The following RPS6KA2 variants were observed in gnomAD, a reference collection of about 807,000 sequenced individuals.
The protein encoded by RPS6KA2 is ribosomal protein S6 kinase A2.
A neutral mutation model predicts 91.8 loss-of-function variants in RPS6KA2; 42 were observed. The ratio of observed to expected loss-of-function variants is 0.46; its 90% CI spans 0.36 to 0.59. RPS6KA2 has a LOEUF of 0.59. Among genes scored for constraint, RPS6KA2 ranks in the 20% least tolerant of loss-of-function variants. RPS6KA2 has a pLI of 0.00. For synonymous variants in RPS6KA2, 414 were observed against 393.6 expected, an observed-to-expected ratio of 1.05 and a Z score of -0.61; for missense variants, 798 against 978.5, an observed-to-expected ratio of 0.82 and a Z score of 2.46.
At chr6:166,547,436 G>A (rs1389949133) in intron 1 of RPS6KA2, among the ~76,000 whole-genome samples, 1 of 152,278 alleles carries the variant, frequency 6.6e-6, no homozygotes, top group Non-Finnish European at 1.5e-5. Flanking sequence ...TGAGTTGGCA[G>A]CTGAGTGCCC....
At chr6:166,628,637 C>T (rs1300010775), upstream of RPS6KA2, among the ~76,000 whole-genome samples, 1 of 152,344 alleles carries the variant, frequency 6.6e-6, no homozygotes, top group East Asian at 1.9e-4. Flanking sequence ...CGGTGCTGCT[C>T]CGGAGTGGAA....
At chr6:166,642,673 G>A (rs893471137) in intron 2 of RPS6KA2, among the ~76,000 whole-genome samples, 1 of 152,094 alleles carries the variant, frequency 6.6e-6, no homozygotes, top group Non-Finnish European at 1.5e-5. Context: ...CAAACTAATA[G>A]AGGTCAAAGT....
At chr6:166,529,264 G>C (rs11962002) in intron 3 of RPS6KA2, among the ~76,000 whole-genome samples, 28,883 of 152,152 alleles carry the variant, frequency 0.19, 2,955 homozygotes, top group African/African-American at 0.26. Context: ...AGTTCATATG[G>C]TTTGTAGGGA....
In RPS6KA2 at chr6:166,821,646, C is replaced by T. The variant is rs1209513976; in HGVS notation, c.123+36554G>A. ...CTTATTCCCTTTCACTATTGCTGTG[C>T]CCCAGATTTCCACTCGGAGCCCTCA... On this transcript the variant is annotated intron_variant, in intron 2 of 21. Coordinates refer to the RPS6KA2 transcript ENST00000503859. This position sits in a 1 kb window ranked among gnomAD's most constrained non-coding sequence, Gnocchi z 4.1. 6.6e-6 allele frequency among the ~76,000 whole-genome samples: 1 copy of T among 152,058 alleles called. No individual in the cohort carries two copies. Among genetic ancestry groups the T allele is most frequent in the Non-Finnish European group, 1.5e-5 (1 of 67,998 alleles).
intron 14 of RPS6KA2, among the ~76,000 whole-genome samples, chr6:166,432,813 G>A (rs918373490): frequency 6.6e-6 from 1 of 152,094 alleles, no homozygotes; most frequent in Admixed American, 6.5e-5. Context: ...TGGCTAACAT[G>A]ACAAAACCTG....
At chr6:166,686,820 T>A (rs1032917593) in intron 2 of RPS6KA2, among the ~76,000 whole-genome samples, 1 of 152,202 alleles carries the variant, frequency 6.6e-6, no homozygotes, top group African/African-American at 2.4e-5. Context: ...TGGTAGGAGC[T>A]CTGTGCATAC....
chr6:166,839,516 G>T (rs1780403661), intron 2 of RPS6KA2, among the ~76,000 whole-genome samples: 1 of 151,018 alleles, frequency 6.6e-6, no homozygotes, highest in Non-Finnish European at 1.5e-5. Context: ...TATCTGAGGG[G>T]TTAGTTACTG....
At chr6:166,791,161 G>A (rs1314705512) in intron 2 of RPS6KA2, among the ~76,000 whole-genome samples, 1 of 152,128 alleles carries the variant, frequency 6.6e-6, no homozygotes, top group Non-Finnish European at 1.5e-5. Flanking sequence ...ATAAAGGGAT[G>A]GAGGAAGATC....
At chr6:166,776,397 T>A (rs943497461) in intron 2 of RPS6KA2, among the ~76,000 whole-genome samples, 7 of 152,256 alleles carry the variant, frequency 4.6e-5, no homozygotes, top group Non-Finnish European at 1.0e-4. Flanking sequence ...TCTTCCAGGT[T>A]AGATTTCTTG....
intron 1 of RPS6KA2, among the ~76,000 whole-genome samples, chr6:166,567,026 G>T (rs758882759): frequency 6.6e-6 from 1 of 152,174 alleles, no homozygotes; most frequent in Non-Finnish European, 1.5e-5. Context: ...TTGCAAATAC[G>T]CTGAAAACAG....
At chr6:166,723,942 C>T (rs988968940) in intron 2 of RPS6KA2, among the ~76,000 whole-genome samples, 1 of 152,136 alleles carries the variant, frequency 6.6e-6, no homozygotes, top group Non-Finnish European at 1.5e-5. Flanking sequence ...TCAGGTGATC[C>T]ACTCTTCTCA....
chr6:166,571,077 T>C (rs1784671362), intron 1 of RPS6KA2, among the ~76,000 whole-genome samples: 1 of 152,164 alleles, frequency 6.6e-6, no homozygotes, highest in African/African-American at 2.4e-5. Context: ...ATCTGCACTG[T>C]CACAACAGTG....
intron 2 of RPS6KA2, among the ~76,000 whole-genome samples, chr6:166,658,492 C>T (rs1450358668): frequency 1.3e-5 from 2 of 152,178 alleles, no homozygotes; most frequent in Non-Finnish European, 2.9e-5. Context: ...ACAAATGACA[C>T]AAGGCAGGGG....
At chr6:166,707,017 A>C (rs954866048) in intron 2 of RPS6KA2, among the ~76,000 whole-genome samples, 1 of 152,234 alleles carries the variant, frequency 6.6e-6, no homozygotes, top group Non-Finnish European at 1.5e-5. Context: ...AGTGAATATT[A>C]CTCAAAATAG....
At chr6:166,582,145 C>T (rs55730232) in intron 1 of RPS6KA2, among the ~76,000 whole-genome samples, 2,120 of 102,776 alleles carry the variant, frequency 0.021, 46 homozygotes, top group African/African-American at 0.082. Context: ...GGGTGGGACG[C>T]CCACTGGGCA....
chr6:166,506,370 G>A (rs573356893), intron 5 of RPS6KA2, among the ~76,000 whole-genome samples: 20 of 152,296 alleles, frequency 1.3e-4, no homozygotes, highest in South Asian at 6.2e-4. Context: ...AACCACAGGC[G>A]TGTCATAGCA....
At chr6:166,780,418 A>G (rs994012619) in intron 2 of RPS6KA2, among the ~76,000 whole-genome samples, 7 of 152,242 alleles carry the variant, frequency 4.6e-5, no homozygotes, top group African/African-American at 1.7e-4. Flanking sequence ...AGGCCCGAGC[A>G]CAGCCTCCCT....
intron 16 of RPS6KA2, 31 bp downstream of exon 16, chr6:166,430,421 TC>T (rs1264732318): frequency 4.4e-6 from 7 of 1,585,982 alleles, no homozygotes; most frequent in Non-Finnish European, 6.0e-6. Flanking sequence ...AGCTCCCTCC[TC>T]CCCGAAGGCT....
intron 1 of RPS6KA2, among the ~76,000 whole-genome samples, chr6:166,859,804 G>A (rs1008431495): frequency 6.6e-6 from 1 of 152,196 alleles, no homozygotes; most frequent in African/African-American, 2.4e-5. Flanking sequence ...ATCCAGGAAT[G>A]CTGATTCTAG....
Sources: gnomAD v4.1 joint callset for allele counts (sites outside exome capture counted in the v4.1 genomes callset) on GRCh38, gnomAD v4.1.1 for gene constraint, Gnocchi (gnomAD v3.1) non-coding constraint, MANE v1.5 for transcripts, NCBI Gene and HGNC (gene_info 2026-07-23, HGNC 2026-07-21) for gene names.